Variants in LAMA2 observed in about 807,000 individuals in gnomAD.
LAMA2 encodes laminin subunit alpha-2.
Under a neutral mutation model 364.8 loss-of-function variants are expected in LAMA2, and 269 were observed. The ratio of observed to expected loss-of-function variants is 0.74; its 90% CI spans 0.67 to 0.82. LAMA2 has a LOEUF of 0.82. Among genes scored for constraint, LAMA2 ranks in the 40% least tolerant of loss-of-function variants. The pLI is 0.00. For missense variants in LAMA2, 3,807 were observed against 3,873.2 expected (o/e 0.98, Z 0.45); for synonymous variants, 1,379 against 1,370.6 (o/e 1.01, Z -0.14).
At chr6:129,058,410 C>T (rs1788634733) in intron 2 of LAMA2, among the ~76,000 whole-genome samples, 1 of 151,630 alleles carries the variant, frequency 6.6e-6, no homozygotes, top group African/African-American at 2.4e-5. Flanking sequence ...GGTTGCCACG[C>T]CTCCTATTTT....
chr6:129,311,796 T>G (rs1774247589), intron 22 of LAMA2, among the ~76,000 whole-genome samples: 2 of 152,124 alleles, frequency 1.3e-5, no homozygotes, highest in South Asian at 2.1e-4. Context: ...GAAATAAAAT[T>G]ATTCAAAAGA....
At position 128,895,550 on chromosome 6, in the gene LAMA2, A is replaced by G. The variant is rs1241071486; in HGVS notation, c.112+12193A>G. 3.3e-5 allele frequency among the ~76,000 whole-genome samples: 5 copies of G among 149,982 alleles called. No homozygotes were observed. In the East Asian group the frequency reaches 8.0e-4, roughly 24 times the overall value. On this transcript the variant is annotated intron_variant, in intron 1 of 64. Transcript: ENST00000421865. ...GTAGTGCCAGGTACTCTGGAGGCTG[A>G]GGCAGGAGAATGGCGTGAATCCGGG...
At chr6:129,048,182 AATT>A (rs530330207) in intron 1 of LAMA2, among the ~76,000 whole-genome samples, 134 of 152,258 alleles carry the variant, frequency 8.8e-4, no homozygotes, top group Non-Finnish European at 1.6e-3. Flanking sequence ...TTATGATTAT[AATT>A]ATTATTATTA....
chr6:129,459,980 G>A (rs897745047), intron 48 of LAMA2, among the ~76,000 whole-genome samples: 32 of 151,976 alleles, frequency 2.1e-4, no homozygotes, highest in African/African-American at 7.5e-4. Flanking sequence ...AGCATTCGTG[G>A]ATTAAATAGT....
At chr6:129,082,742 C>A (rs1175138535) in intron 3 of LAMA2, among the ~76,000 whole-genome samples, 1 of 152,102 alleles carries the variant, frequency 6.6e-6, no homozygotes, top group African/African-American at 2.4e-5. Flanking sequence ...CTAATTCCAA[C>A]TTTATTCGTG....
At chr6:129,380,222 A>G (rs1389130274) in intron 34 of LAMA2, among the ~76,000 whole-genome samples, 3 of 152,202 alleles carry the variant, frequency 2.0e-5, no homozygotes, top group African/African-American at 7.2e-5. Context: ...TTTGTTTTGG[A>G]TAAGTAGAGA....
chr6:129,418,469 A>G (rs971522499), intron 40 of LAMA2, among the ~76,000 whole-genome samples: 1 of 152,142 alleles, frequency 6.6e-6, no homozygotes, highest in East Asian at 1.9e-4. Context: ...TAAGATATTT[A>G]TATTACCCTA....
At chr6:129,279,756 A>G (rs560023390) in intron 17 of LAMA2, among the ~76,000 whole-genome samples, 2 of 152,280 alleles carry the variant, frequency 1.3e-5, no homozygotes, top group East Asian at 3.9e-4. Context: ...GGCCTGGAGG[A>G]ATTTCTAAAA....
intron 29 of LAMA2, among the ~76,000 whole-genome samples, chr6:129,330,361 C>T (rs1279043866): frequency 2.6e-5 from 4 of 151,806 alleles, no homozygotes; most frequent in African/African-American, 4.8e-5. Flanking sequence ...TCTCATGCTT[C>T]CCTCTATGTG....
At chr6:129,055,180 T>TTATTATTTAG (rs1372964168) in intron 2 of LAMA2, among the ~76,000 whole-genome samples, 5 of 120,310 alleles carry the variant, frequency 4.2e-5, no homozygotes, top group Non-Finnish European at 8.3e-5. Flanking sequence ...TTATTATTTA[T>TTATTATTTAG]TATTATTATT....
chr6:129,305,470 G>A (rs565953539), intron 22 of LAMA2, among the ~76,000 whole-genome samples: 87 of 151,892 alleles, frequency 5.7e-4, no homozygotes, highest in African/African-American at 1.9e-3. Flanking sequence ...GACTACAGGC[G>A]CATGCCACCA....
chr6:129,477,977 A>C (rs1161840753), intron 53 of LAMA2, among the ~76,000 whole-genome samples: 2 of 137,814 alleles, frequency 1.5e-5, no homozygotes, highest in African/African-American at 5.2e-5. Context: ...GGGCAAAGAC[A>C]GGGTCTCACT....
intron 35 of LAMA2, among the ~76,000 whole-genome samples, chr6:129,390,956 A>G (rs1779283742): frequency 6.6e-6 from 1 of 152,110 alleles, no homozygotes; most frequent in Non-Finnish European, 1.5e-5. Flanking sequence ...CTTCTCCTAG[A>G]AGGGTTATAA....
chr6:129,156,289 A>G (rs571795980), intron 8 of LAMA2, among the ~76,000 whole-genome samples: 12 of 152,040 alleles, frequency 7.9e-5, no homozygotes, highest in African/African-American at 2.9e-4. Context: ...TAACATCATA[A>G]TAATATTGAA....
At chr6:129,056,302 T>A (rs981882443) in intron 2 of LAMA2, among the ~76,000 whole-genome samples, 2 of 152,202 alleles carry the variant, frequency 1.3e-5, no homozygotes, top group Admixed American at 6.5e-5. Flanking sequence ...TATTTGGTAT[T>A]TAGTTATGCT....
intron 34 of LAMA2, among the ~76,000 whole-genome samples, chr6:129,372,152 C>T (rs1047512761): frequency 6.6e-6 from 1 of 152,172 alleles, no homozygotes; most frequent in African/African-American, 2.4e-5. Context: ...GACACCTCCT[C>T]ATCACCCAAA....
At chr6:129,218,304 A>G (rs1783558030) in intron 12 of LAMA2, among the ~76,000 whole-genome samples, 1 of 152,092 alleles carries the variant, frequency 6.6e-6, no homozygotes, top group Admixed American at 6.6e-5. Flanking sequence ...TCTTGTAGTG[A>G]CCCTCCCTGT....
intron 18 of LAMA2, among the ~76,000 whole-genome samples, chr6:129,280,990 C>G (rs1380410041): frequency 3.3e-5 from 5 of 152,204 alleles, no homozygotes; most frequent in African/African-American, 4.8e-5. Context: ...AGCTATCACC[C>G]CTGTTTCAAC....
chr6:129,284,203 C>G (rs1021857104), intron 18 of LAMA2, among the ~76,000 whole-genome samples: 15 of 150,812 alleles, frequency 9.9e-5, no homozygotes, highest in African/African-American at 3.7e-4. Flanking sequence ...AGCCACGCCT[C>G]TTTATACAGC....
Sources: allele counts gnomAD v4.1 joint callset (sites outside exome capture counted in the v4.1 genomes callset), GRCh38; gene constraint gnomAD v4.1.1; transcripts MANE v1.5; gene names NCBI Gene and HGNC (gene_info 2026-07-23, HGNC 2026-07-21).